The following LRFN5 variants were observed in gnomAD, a reference collection of about 807,000 sequenced individuals.
LRFN5 encodes leucine-rich repeat and fibronectin type-III domain-containing protein 5.
In LRFN5, 24 loss-of-function variants were observed where a neutral mutation model predicts 45.6. The ratio of observed to expected loss-of-function variants is 0.53; its 90% CI spans 0.38 to 0.74. LRFN5 has a LOEUF of 0.74. LRFN5 is among the 30% of genes least tolerant of loss of function. The pLI is 0.00. For missense variants in LRFN5, 776 were observed against 861.5 expected (o/e 0.90, Z 1.24); for synonymous variants, 340 against 313.8 (o/e 1.08, Z -0.88).
chr14:41,675,688 T>TA (rs1210054720), intron 1 of LRFN5, among the ~76,000 whole-genome samples: 1 of 152,114 alleles, frequency 6.6e-6, no homozygotes, highest in Non-Finnish European at 1.5e-5. Context: ...CCTAAATGAA[T>TA]AAGCCTTTAT....
At position 41,887,165 on chromosome 14, in the gene LRFN5, C is replaced by T. The variant is rs1890603148; in HGVS notation, c.540C>T (p.His180=). The change falls in exon 3 of 6, where the codon CAC becomes CAT. Residue 180 remains histidine, a synonymous_variant. Transcript: ENST00000298119. The surrounding 1 kb of genome is among the most constrained non-coding windows in gnomAD (Gnocchi z 4.8). ...MVSLHTLSLD[H]NMIDNIPKGT... ...GCTTGCATACCCTTAGTTTGGATCA[C>T]AATATGATTGATAACATTCCTAAGG... 6.2e-7 allele frequency: 1 copy of T among 1,613,990 alleles called. No individual in the cohort carries two copies. Among genetic ancestry groups the T allele is most frequent in the African/African-American group, 1.3e-5 (1 of 75,022 alleles).
intron 2 of LRFN5, among the ~76,000 whole-genome samples, chr14:41,815,605 G>A (rs921021906): frequency 6.6e-6 from 1 of 152,050 alleles, no homozygotes; most frequent in African/African-American, 2.4e-5. Flanking sequence ...AGGTGTGGCG[G>A]TGCATGCCTG....
intron 4 of LRFN5, among the ~76,000 whole-genome samples, chr14:41,898,664 A>G (rs1238439801): frequency 6.6e-6 from 1 of 152,084 alleles, no homozygotes; most frequent in Non-Finnish European, 1.5e-5. Flanking sequence ...CACTCATTTT[A>G]GTTATTAGAA....
intron 1 of LRFN5, among the ~76,000 whole-genome samples, chr14:41,739,360 G>A (rs77540502): frequency 3.1e-4 from 47 of 151,840 alleles, no homozygotes; most frequent in Non-Finnish European, 4.6e-4. Flanking sequence ...ACTCCAGCCT[G>A]AGTGGCAGAG....
chr14:41,812,046 A>C lies in LRFN5; in HGVS notation c.-21+45017A>C, dbSNP rs182054137. On this transcript the variant is annotated intron_variant, in intron 2 of 5. Transcript: ENST00000298119. Reference sequence around the variant, plus strand: ...TTTAAAAAGTCAGCACAAAGCGTGAAAAGTTATTCTGGTGAATATGGAATA... The same window carrying C: ...TTTAAAAAGTCAGCACAAAGCGTGACAAGTTATTCTGGTGAATATGGAATA... Among the ~76,000 whole-genome samples the C allele has an allele frequency of 2.6e-4, 39 of 152,232 alleles. 1 individual carries two copies. Among genetic ancestry groups the C allele is most frequent in the African/African-American group, 8.7e-4 (36 of 41,574 alleles).
At chr14:41,712,561 T>C (rs998235737) in intron 1 of LRFN5, among the ~76,000 whole-genome samples, 1 of 152,190 alleles carries the variant, frequency 6.6e-6, no homozygotes, top group Non-Finnish European at 1.5e-5. Flanking sequence ...CTAAAATTAA[T>C]ATGTAAAGAG....
At position 41,887,307 on chromosome 14, in the gene LRFN5, A is replaced by G; in HGVS notation, c.682A>G (p.Ile228Val). 1 of 1,614,228 alleles carries G rather than the reference A, an allele frequency of 6.2e-7. No individual in the cohort carries two copies. The highest frequency in any genetic ancestry group is 1.7e-5 in the Admixed American group (1 of 60,028). The change falls in exon 3 of 6, where the codon ATA becomes GTA. Residue 228 changes from isoleucine (I) to valine (V), a missense_variant. Physicochemically the swap from Ile to Val is conservative, Grantham distance 29. Coordinates refer to ENST00000298119, the MANE Select transcript of LRFN5 (RefSeq NM_152447.5). The surrounding 1 kb of genome is among the most constrained non-coding windows in gnomAD (Gnocchi z 4.8). ...TCAGGTACTAGCAACCTCAGGAATC[A>G]TAAGCCCATCTACTTTTGCATTAAG... is the stretch of plus-strand genomic sequence containing the variant. Reference protein sequence around the residue: ...RAQVLATSGIISPSTFALSFG... With the variant: ...RAQVLATSGIVSPSTFALSFG...
intron 4 of LRFN5, chr14:41,892,286 G>A (rs1890812118): frequency 5.1e-6 from 5 of 975,696 alleles, no homozygotes; most frequent in African/African-American, 3.5e-5. Context: ...ACCTTCTCAG[G>A]TACAGTATAT....
chr14:41,695,007 T>C (rs1882544525), intron 1 of LRFN5, among the ~76,000 whole-genome samples: 2 of 151,942 alleles, frequency 1.3e-5, no homozygotes, highest in Non-Finnish European at 2.9e-5. Context: ...AACAGCTCAG[T>C]TGTAAATACA....
chr14:41,675,190 C>T (rs1213351766), intron 1 of LRFN5, among the ~76,000 whole-genome samples: 1 of 152,218 alleles, frequency 6.6e-6, no homozygotes, highest in Non-Finnish European at 1.5e-5. Flanking sequence ...TCCTCACTTC[C>T]CAGACGGGGT....
At chr14:41,820,778 T>C (rs1379542243) in intron 2 of LRFN5, among the ~76,000 whole-genome samples, 2 of 152,014 alleles carry the variant, frequency 1.3e-5, no homozygotes, top group African/African-American at 2.4e-5. Context: ...CTTGTTTGTA[T>C]CATCTACAAT....
intron 1 of LRFN5, among the ~76,000 whole-genome samples, chr14:41,696,076 G>A (rs779595995): frequency 8.6e-5 from 13 of 151,860 alleles, no homozygotes; most frequent in Non-Finnish European, 1.8e-4. Flanking sequence ...CAACTTTCAT[G>A]GACAACTTTG....
chr14:41,783,335 C>T (rs1886601712), intron 2 of LRFN5, among the ~76,000 whole-genome samples: 1 of 152,116 alleles, frequency 6.6e-6, no homozygotes, highest in Admixed American at 6.6e-5. Flanking sequence ...ACAGCTGCTG[C>T]TCCAGGTAAG....
In LRFN5 at chr14:41,607,434, T is replaced by C. The variant is rs913029453; in HGVS notation, c.-1325T>C. On this transcript the variant is annotated 5_prime_UTR_variant, in exon 1 of 6. Transcript: ENST00000298119. ...TTGATAACCTCCCTGCTGGCCCTTC[T>C]GTGTTCCGGAAAGATCCTGGATGTT... The C allele has an allele frequency of 6.6e-6, 1 of 152,468 alleles. No homozygotes were observed. The highest frequency in any genetic ancestry group is 2.4e-5 in the African/African-American group (1 of 41,454). The allele number at this position is 152,468 out of a possible 1,614,324, so 9.4% of individuals were successfully genotyped here.
intron 2 of LRFN5, among the ~76,000 whole-genome samples, chr14:41,811,385 T>A (rs959965548): frequency 3.3e-5 from 5 of 152,104 alleles, no homozygotes; most frequent in Non-Finnish European, 7.4e-5. Flanking sequence ...CTTAAATATA[T>A]GACTAGATAT....
At chr14:41,869,440 T>TTTA (rs1555328132) in intron 2 of LRFN5, among the ~76,000 whole-genome samples, 14 of 151,300 alleles carry the variant, frequency 9.3e-5, no homozygotes, top group African/African-American at 3.4e-4. Flanking sequence ...TTTTTTTTTT[T>TTTA]AAAAAAAGGT....
intron 4 of LRFN5, among the ~76,000 whole-genome samples, chr14:41,897,277 T>C (rs1890972503): frequency 6.6e-6 from 1 of 151,892 alleles, no homozygotes; most frequent in African/African-American, 2.4e-5. Context: ...GTACTGTTAA[T>C]GCATTGGGGA....
intron 1 of LRFN5, among the ~76,000 whole-genome samples, chr14:41,740,761 A>C (rs779943030): frequency 6.6e-6 from 1 of 152,004 alleles, no homozygotes; most frequent in Non-Finnish European, 1.5e-5. Flanking sequence ...AAGAAGTGAA[A>C]TTGTCAGTGC....
chr14:41,787,559 C>T (rs1886770662), intron 2 of LRFN5, among the ~76,000 whole-genome samples: 1 of 150,794 alleles, frequency 6.6e-6, no homozygotes, highest in Non-Finnish European at 1.5e-5. Context: ...ATATCAGTCT[C>T]TTCAGTAGAG....
Sources: gnomAD v4.1 joint callset for allele counts (sites outside exome capture counted in the v4.1 genomes callset) on GRCh38, gnomAD v4.1.1 for gene constraint, Gnocchi (gnomAD v3.1) non-coding constraint, MANE v1.5 for transcripts, NCBI Gene and HGNC (gene_info 2026-07-23, HGNC 2026-07-21) for gene names.